The following BFSP2 variants were observed in gnomAD, a reference collection of about 807,000 sequenced individuals.
The protein encoded by BFSP2 is phakinin.
A neutral mutation model predicts 44.9 loss-of-function variants in BFSP2; 38 were observed. The ratio of observed to expected loss-of-function variants is 0.85; its 90% CI spans 0.65 to 1.11. BFSP2 has a LOEUF of 1.11. BFSP2 is among the 50% of genes least tolerant of loss of function. The pLI is 0.00. For missense variants in BFSP2, 525 were observed against 533.0 expected, an observed-to-expected ratio of 0.99 and a Z score of 0.15; for synonymous variants, 197 against 209.9, an observed-to-expected ratio of 0.94 and a Z score of 0.53.
chr3:133,415,458 C>A (rs1304722296), intron 1 of BFSP2, among the ~76,000 whole-genome samples: 1 of 127,544 alleles, frequency 7.8e-6, no homozygotes, highest in African/African-American at 3.2e-5. Flanking sequence ...CTACTCACTC[C>A]TGTCCTCTCC....
In BFSP2 at chr3:133,472,653, A is replaced by G. The variant is rs1007342522; in HGVS notation, c.1244+88A>G. 1.9e-5 allele frequency: 29 copies of G among 1,500,150 alleles called. No individual in the cohort carries two copies. The Admixed American group carries it at 2.7e-4, about 14-fold the overall frequency. 92.9% of individuals were successfully genotyped at this position (1,500,150 alleles called of 1,614,324 possible). ...TTTTCCAAACACTGTAGAAGTATTTAAGAAGAAATCACCCCAGACTTCCTC... is the reference window on the plus strand; with the variant it reads ...TTTTCCAAACACTGTAGAAGTATTTGAGAAGAAATCACCCCAGACTTCCTC... On this transcript the variant is annotated intron_variant, in intron 6 of 6. Coordinates refer to ENST00000302334, the MANE Select transcript of BFSP2 (RefSeq NM_003571.4).
chr3:133,474,929 C>T, intron 6 of BFSP2, 40 bp from the exon 7 acceptor site: 1 of 1,613,440 alleles, frequency 6.2e-7, no homozygotes, highest in Non-Finnish European at 8.5e-7. Context: ...GACCGATTTT[C>T]CTCACCCATT....
chr3:133,448,512 G>T lies in BFSP2; in HGVS notation c.596G>T (p.Arg199Leu). 1 of 1,613,978 alleles carries T rather than the reference G, an allele frequency of 6.2e-7. No homozygotes were observed. The highest frequency in any genetic ancestry group is 8.5e-7 in the Non-Finnish European group (1 of 1,180,004). Residue 199 changes from arginine (R) to leucine (L), a missense_variant, in exon 3 of 7, where the codon CGA becomes CTA. Arg to Leu is a moderately radical substitution (Grantham distance 102). Transcript: ENST00000302334. ...AGATATGAAAATGAGCAGCCATTTC[G>T]AAAGGCGGCAGAAGAGGAAATTAAC... ...KERYENEQPFRKAAEEEINSL... is the reference protein window; with the variant it reads ...KERYENEQPFLKAAEEEINSL...
At chr3:133,456,193 G>C (rs2074011358) in intron 4 of BFSP2, among the ~76,000 whole-genome samples, 1 of 152,208 alleles carries the variant, frequency 6.6e-6, no homozygotes, top group African/African-American at 2.4e-5. Context: ...AGGTCAGTTT[G>C]AGGCATCTGC....
At chr3:133,431,560 TCTGA>T (rs1283796556) in intron 1 of BFSP2, among the ~76,000 whole-genome samples, 75 of 152,326 alleles carry the variant, frequency 4.9e-4, no homozygotes, top group East Asian at 5.8e-4. Context: ...CCCGAGGCTC[TCTGA>T]CTGACTCCTT....
At chr3:133,418,197 C>T (rs1238675832) in intron 1 of BFSP2, among the ~76,000 whole-genome samples, 1 of 152,072 alleles carries the variant, frequency 6.6e-6, no homozygotes, top group East Asian at 1.9e-4. Context: ...CTACTGCTAG[C>T]CCTACTGCCC....
At chr3:133,446,295 C>A (rs1238634266) in intron 1 of BFSP2, among the ~76,000 whole-genome samples, 2 of 151,874 alleles carry the variant, frequency 1.3e-5, no homozygotes, top group African/African-American at 4.8e-5. Context: ...GTGGCACATG[C>A]CTGTAATCCC....
At chr3:133,463,553 A>C (rs1358190629) in intron 4 of BFSP2, among the ~76,000 whole-genome samples, 1 of 152,132 alleles carries the variant, frequency 6.6e-6, no homozygotes, top group East Asian at 1.9e-4. Flanking sequence ...TGTTTACTGG[A>C]GTTGTACACC....
intron 1 of BFSP2, among the ~76,000 whole-genome samples, chr3:133,436,063 C>CA (rs1035695905): frequency 2.6e-5 from 4 of 151,988 alleles, no homozygotes; most frequent in Admixed American, 2.0e-4. Context: ...TATTTTGGTG[C>CA]AAAAAAATTT....
chr3:133,425,151 C>T (rs561765364), intron 1 of BFSP2, among the ~76,000 whole-genome samples: 1 of 152,286 alleles, frequency 6.6e-6, no homozygotes, highest in Non-Finnish European at 1.5e-5. Context: ...ATAAGGCTGG[C>T]ACAGGTTTCG....
chr3:133,446,063 G>T lies in BFSP2; in HGVS notation c.490-1254G>T, dbSNP rs143344697. Among the ~76,000 whole-genome samples the T allele has an allele frequency of 1.1e-3, 168 of 152,314 alleles. 1 individual carries two copies. In the East Asian group the frequency reaches 0.031, roughly 28 times the overall value. ...CTGGGAAAGGGAGACACCCTAGTCT[G>T]CCTGCTCCCCAGTGTGCCCCAGGCC... On this transcript the variant is annotated intron_variant, in intron 1 of 6. Transcript: ENST00000302334.
At chr3:133,444,097 T>A (rs899213351) in intron 1 of BFSP2, among the ~76,000 whole-genome samples, 5 of 151,290 alleles carry the variant, frequency 3.3e-5, no homozygotes, top group Non-Finnish European at 5.9e-5. Flanking sequence ...AGGAAAAAAA[T>A]ATATATGTAT....
intron 5 of BFSP2, among the ~76,000 whole-genome samples, chr3:133,468,674 T>G (rs1184214785): frequency 6.6e-6 from 1 of 152,210 alleles, no homozygotes; most frequent in Non-Finnish European, 1.5e-5. Context: ...TCTTAACACC[T>G]GGGCTCGAAA....
intron 6 of BFSP2, among the ~76,000 whole-genome samples, 167 bp from the exon 7 acceptor site, chr3:133,474,802 A>G (rs1373119709): frequency 1.3e-5 from 2 of 152,232 alleles, no homozygotes; most frequent in African/African-American, 4.8e-5. Context: ...GTCATGGCCC[A>G]AGGTCTCACA....
At chr3:133,424,900 G>T (rs768967742) in intron 1 of BFSP2, among the ~76,000 whole-genome samples, 6 of 152,132 alleles carry the variant, frequency 3.9e-5, no homozygotes, top group Non-Finnish European at 7.4e-5. Context: ...CTCCCAAAGT[G>T]CTGGATTACA....
At position 133,448,535 on chromosome 3, in the gene BFSP2, A is replaced by C; in HGVS notation, c.619A>C (p.Asn207His). 1 of 1,614,136 alleles carries C rather than the reference A, an allele frequency of 6.2e-7. No individual in the cohort carries two copies. The highest frequency in any genetic ancestry group is 8.5e-7 in the Non-Finnish European group (1 of 1,180,016). The change falls in exon 3 of 7, where the codon AAC becomes CAC. Residue 207 changes from asparagine to histidine, a missense_variant. Asn to His is a moderately conservative substitution (Grantham distance 68). Transcript: ENST00000302334. ...TCGAAAGGCGGCAGAAGAGGAAATT[A>C]ACTCTCTGTATAAAGTCATTGATGA... ...PFRKAAEEEI[N>H]SLYKVIDEAN... is the part of the protein sequence containing the mutation.
rs143421352 is a variant in BFSP2 at position 133,470,871 on chromosome 3, A to C, written c.1024-1474A>C. On this transcript the variant is annotated intron_variant, in intron 5 of 6. Coordinates refer to ENST00000302334, the MANE Select transcript of BFSP2 (RefSeq NM_003571.4). Reference sequence around the variant, plus strand: ...GGAAATACAGAGGGTCTCCTAACCCAGCTTGGTGATGGTAGCGGCAGAGGA... The same window carrying C: ...GGAAATACAGAGGGTCTCCTAACCCCGCTTGGTGATGGTAGCGGCAGAGGA... Among the ~76,000 whole-genome samples, 127 of 152,306 alleles carry C rather than the reference A, an allele frequency of 8.3e-4. No homozygotes were observed. In the East Asian group the frequency reaches 0.016, roughly 19 times the overall value.
At chr3:133,429,689 T>C (rs1015689749) in intron 1 of BFSP2, 1 of 152,130 alleles carries the variant, frequency 6.6e-6, no homozygotes, top group African/African-American at 2.4e-5. Flanking sequence ...TCATTGTATA[T>C]GAGGGGACTT....
intron 1 of BFSP2, among the ~76,000 whole-genome samples, chr3:133,420,454 G>T (rs904831783): frequency 6.6e-6 from 1 of 152,168 alleles, no homozygotes; most frequent in Non-Finnish European, 1.5e-5. Flanking sequence ...GAGCGTCCTT[G>T]CCTCTCTGTC....
Sources: allele counts gnomAD v4.1 joint callset (sites outside exome capture counted in the v4.1 genomes callset), GRCh38; gene constraint gnomAD v4.1.1; transcripts MANE v1.5; gene names NCBI Gene and HGNC (gene_info 2026-07-23, HGNC 2026-07-21).